The following CCNG1 variants were observed in gnomAD, a reference collection of about 807,000 sequenced individuals.
CCNG1 encodes cyclin-G1.
Under a neutral mutation model 30.0 loss-of-function variants are expected in CCNG1, and 13 were observed. The ratio of observed to expected loss-of-function variants is 0.43; its 90% confidence interval spans 0.28 to 0.69. The LOEUF is 0.69. Ranked by LOEUF, CCNG1 falls within the 30% of genes least tolerant of loss-of-function variation. The pLI, the probability that CCNG1 is intolerant of heterozygous loss-of-function variation, is 0.16. For synonymous variants in CCNG1, 110 were observed against 121.5 expected (o/e 0.91, Z 0.62); for missense variants, 285 against 331.4 (o/e 0.86, Z 1.09).
At chr5:163,445,965 G>A (rs1005126648), downstream of CCNG1, 5 of 152,102 alleles carry the variant, frequency 3.3e-5, no homozygotes, top group African/African-American at 9.7e-5. Context: ...CTTCAGCAGC[G>A]TGGTTGCTAA....
chr5:163,454,266 T>C, the CCNG1 span, among the ~76,000 whole-genome samples: 1 of 152,236 alleles, frequency 6.6e-6, no homozygotes, highest in African/African-American at 2.4e-5. Flanking sequence ...CACTACAATG[T>C]TGGCAAGTGT....
chr5:163,441,841 G>A, intron 3 of CCNG1, 45 bp from the exon 4 acceptor site: 1 of 1,148,820 alleles, frequency 8.7e-7, no homozygotes. Flanking sequence ...CTTTTGACTA[G>A]ATGTAGTATT....
intron 1 of CCNG1, among the ~76,000 whole-genome samples, chr5:163,438,580 A>G (rs373520213): frequency 3.9e-4 from 59 of 152,308 alleles, no homozygotes; most frequent in African/African-American, 1.4e-3. Context: ...AAGTAACTTG[A>G]ACAGTTCATT....
intron 4 of CCNG1, 36 bp downstream of exon 4, chr5:163,442,000 ATC>A (rs1242165602): frequency 1.3e-6 from 2 of 1,580,858 alleles, no homozygotes; most frequent in Non-Finnish European, 1.7e-6. Context: ...TATTGATATG[ATC>A]TGTTTTTATA....
chr5:163,455,213 T>C, the CCNG1 span, among the ~76,000 whole-genome samples: 3 of 151,714 alleles, frequency 2.0e-5, no homozygotes, highest in Admixed American at 1.3e-4. Flanking sequence ...GTATGCTTCA[T>C]TGAGCAATGA....
downstream of CCNG1, chr5:163,449,775 T>C (rs1758129820): frequency 6.6e-6 from 1 of 152,204 alleles, no homozygotes; most frequent in South Asian, 2.1e-4. Context: ...TAGCAATTGA[T>C]TTCTGACAAA....
At chr5:163,457,584 A>G in the CCNG1 span, 4 of 1,581,764 alleles carry the variant, frequency 2.5e-6, no homozygotes, top group Non-Finnish European at 2.6e-6. Flanking sequence ...TTCCCTCATC[A>G]GCTATTGTAG....
At chr5:163,438,097 T>G (rs2113339111) in intron 1 of CCNG1, among the ~76,000 whole-genome samples, 1 of 152,196 alleles carries the variant, frequency 6.6e-6, no homozygotes, top group South Asian at 2.1e-4. Flanking sequence ...TGCCTTCCTG[T>G]CTTTAGTTGG....
chr5:163,445,481 G>T (rs1758017200), downstream of CCNG1, among the ~76,000 whole-genome samples: 1 of 152,034 alleles, frequency 6.6e-6, no homozygotes, highest in African/African-American at 2.4e-5. Flanking sequence ...CTGAGACAGG[G>T]TCACTCTTGT....
chr5:163,457,576 C>A, the CCNG1 span: 1 of 1,577,818 alleles, frequency 6.3e-7, no homozygotes, highest in Non-Finnish European at 8.7e-7. Context: ...AGTCCATGTT[C>A]CCTCATCAGC....
chr5:163,452,368 A>G, the CCNG1 span: 2 of 152,300 alleles, frequency 1.3e-5, no homozygotes, highest in Non-Finnish European at 2.9e-5. Context: ...GAAGCCTGGT[A>G]TATCTTATGC....
chr5:163,447,402 G>A (rs1254720016), downstream of CCNG1: 2 of 146,804 alleles, frequency 1.4e-5, no homozygotes, highest in African/African-American at 2.5e-5. Context: ...AGTGAAGCAT[G>A]ACAGAGTTGC....
chr5:163,446,586 C>T (rs1758042156), downstream of CCNG1: 1 of 152,206 alleles, frequency 6.6e-6, no homozygotes. Flanking sequence ...GTGCTGTCAT[C>T]ATGATCATAG....
In CCNG1 at chr5:163,439,324, A is replaced by G; in HGVS notation, c.68A>G (p.Gln23Arg). The G allele has an allele frequency of 1.9e-6, 3 of 1,614,162 alleles. No homozygotes were observed. Among genetic ancestry groups the G allele is most frequent in the Admixed American group, 1.7e-5 (1 of 60,028 alleles). The stretch of plus-strand genomic sequence containing the variant: ...CACCAGCTGAATGCCCTGTTGGAAC[A>G]GGAGTCTAGATGTCAGCCAAAGGTC... ...LLHQLNALLE[Q>R]ESRCQPKVCG... Residue 23 changes from glutamine (Q) to arginine (R), a missense_variant, in exon 2 of 7, where the codon CAG (glutamine) becomes CGG (arginine). Coordinates refer to ENST00000340828, the MANE Select transcript of CCNG1 (RefSeq NM_004060.4).
rs1253847014 is a variant in CCNG1 at position 163,443,958 on chromosome 5, C to G, written c.*288C>G. 4.5e-6 allele frequency: 2 copies of G among 445,246 alleles called. No homozygotes were observed. The highest frequency in any genetic ancestry group is 4.0e-5 in the Admixed American group (1 of 25,126). The allele number at this position is 445,246 out of a possible 1,614,324, so 27.6% of individuals were successfully genotyped here. On this transcript the variant is annotated 3_prime_UTR_variant, in exon 7 of 7. Coordinates refer to ENST00000340828, the MANE Select transcript of CCNG1 (RefSeq NM_004060.4). ...GTGAATCTTCATTTCTATCATTGAT[C>G]TAACTTTAGATATTGGATCAATATA...
At chr5:163,453,796 G>T in the CCNG1 span, 1 of 434,326 alleles carries the variant, frequency 2.3e-6, no homozygotes, top group East Asian at 3.6e-5. Context: ...AGTTCCCACA[G>T]TACATTTCCT....
At position 163,441,918 on chromosome 5, in the gene CCNG1, C is replaced by T; in HGVS notation, c.551C>T (p.Ala184Val). Residue 184 changes from alanine (A) to valine (V), a missense_variant, in exon 4 of 7, where the codon GCT (alanine) becomes GTT (valine). Transcript: ENST00000340828. Reference protein sequence around the residue: ...RNSINFERLEAQLKACHCRII... With the variant: ...RNSINFERLEVQLKACHCRII... ...AGCATTAATTTTGAAAGACTAGAAG[C>T]TCAACTGAAGGCATGTCATTGCAGG... is the stretch of plus-strand genomic sequence containing the variant. The T allele has an allele frequency of 3.1e-6, 5 of 1,609,232 alleles. No individual in the cohort carries two copies. The highest frequency in any genetic ancestry group is 4.3e-6 in the Non-Finnish European group (5 of 1,175,928).
At chr5:163,447,350 C>A (rs1758061447), downstream of CCNG1, 1 of 151,244 alleles carries the variant, frequency 6.6e-6, no homozygotes, top group Admixed American at 6.6e-5. Context: ...ACTGAGGAGC[C>A]TGAGGTGGGA....
downstream of CCNG1, chr5:163,448,085 C>A (rs775176327): frequency 3.3e-5 from 5 of 151,454 alleles, no homozygotes; most frequent in African/African-American, 1.2e-4. Flanking sequence ...CATGACCCCA[C>A]GAGTTTGAGG....
Sources: allele counts gnomAD v4.1 joint callset (sites outside exome capture counted in the v4.1 genomes callset), GRCh38; gene constraint gnomAD v4.1.1; transcripts MANE v1.5; gene names NCBI Gene and HGNC (gene_info 2026-07-23, HGNC 2026-07-21).